Variants in TMEM178A observed in about 807,000 individuals in gnomAD.
The protein encoded by TMEM178A is transmembrane protein 178A.
TMEM178A carries 12 observed loss-of-function variants against 29.1 expected under a neutral mutation model. That is an observed-to-expected ratio of 0.41 (90% CI 0.26 to 0.67). The LOEUF (loss-of-function observed/expected upper bound fraction) is 0.67, where lower values mean the gene tolerates loss of function less well. Ranked by LOEUF, TMEM178A falls within the 30% of genes least tolerant of loss-of-function variation. The pLI is 0.29. For missense variants in TMEM178A, 366 were observed against 419.1 expected (o/e 0.87, Z 1.11); for synonymous variants, 210 against 187.2 (o/e 1.12, Z -0.99).
At chr2:39,688,541 G>A (rs1286854145) in intron 1 of TMEM178A, among the ~76,000 whole-genome samples, 1 of 152,188 alleles carries the variant, frequency 6.6e-6, no homozygotes, top group Non-Finnish European at 1.5e-5. Context: ...GCATCTAAAT[G>A]ATAACACGTC....
intron 3 of TMEM178A, among the ~76,000 whole-genome samples, chr2:39,710,283 A>G (rs1466750273): frequency 6.6e-6 from 1 of 152,242 alleles, no homozygotes; most frequent in Non-Finnish European, 1.5e-5. Context: ...ACAACCTAAC[A>G]TTGTTAACAT....
downstream of TMEM178A, among the ~76,000 whole-genome samples, chr2:39,720,097 T>C (rs867621408): frequency 2.0e-5 from 3 of 152,220 alleles, no homozygotes; most frequent in Non-Finnish European, 4.4e-5. Flanking sequence ...GTTAAAGTTA[T>C]TCAATTACTA....
intron 1 of TMEM178A, among the ~76,000 whole-genome samples, chr2:39,694,368 G>C (rs1671452424): frequency 6.6e-6 from 1 of 152,086 alleles, no homozygotes; most frequent in Admixed American, 6.6e-5. Context: ...AGAATATAGA[G>C]TGAACACAGA....
intron 2 of TMEM178A, among the ~76,000 whole-genome samples, chr2:39,705,521 C>T (rs746503790): frequency 4.6e-5 from 7 of 152,232 alleles, no homozygotes; most frequent in Admixed American, 1.3e-4. Flanking sequence ...ACATTAAACT[C>T]AGCGTCTTTA....
intron 1 of TMEM178A, among the ~76,000 whole-genome samples, chr2:39,667,037 G>T (rs1670197518): frequency 6.6e-6 from 1 of 151,256 alleles, no homozygotes; most frequent in Non-Finnish European, 1.5e-5. Flanking sequence ...GGCTGGTGGA[G>T]GCTGGTGGAG....
rs143535685 is a variant in TMEM178A, at chr2:39,695,759, A to G, written c.401-8322A>G. ...GGAACCCAATTGTATGTTCCTGGACAGAGCCAGTCAATGAAAACCCCAGTC... is the reference window on the plus strand; with the variant it reads ...GGAACCCAATTGTATGTTCCTGGACGGAGCCAGTCAATGAAAACCCCAGTC... On this transcript the variant is annotated intron_variant, in intron 1 of 3. Transcript: ENST00000281961. Among the ~76,000 whole-genome samples, 307 of 152,246 alleles carry G rather than the reference A, an allele frequency of 2.0e-3. 1 individual carries two copies. Among genetic ancestry groups the G allele is most frequent in the African/African-American group, 6.7e-3 (279 of 41,548 alleles).
At chr2:39,687,677 C>T (rs957981740) in intron 1 of TMEM178A, among the ~76,000 whole-genome samples, 1 of 152,178 alleles carries the variant, frequency 6.6e-6, no homozygotes, top group Non-Finnish European at 1.5e-5. Context: ...GAGTCTGTTT[C>T]TGCTTCAGTG....
At chr2:39,715,231 A>C (rs1672485719) in intron 3 of TMEM178A, among the ~76,000 whole-genome samples, 1 of 152,246 alleles carries the variant, frequency 6.6e-6, no homozygotes, top group Non-Finnish European at 1.5e-5. Flanking sequence ...AGCTATGTGC[A>C]AACAGCTAAA....
intron 1 of TMEM178A, among the ~76,000 whole-genome samples, chr2:39,691,459 G>A (rs1671314701): frequency 6.6e-6 from 1 of 152,188 alleles, no homozygotes; most frequent in Non-Finnish European, 1.5e-5. Flanking sequence ...TAGAGTGCCT[G>A]TTGTTAAAAC....
intron 1 of TMEM178A, among the ~76,000 whole-genome samples, chr2:39,700,761 T>C (rs1671745852): frequency 6.6e-6 from 1 of 151,926 alleles, no homozygotes; most frequent in South Asian, 2.1e-4. Flanking sequence ...ATTAATGTTT[T>C]CTTTTGTGTT....
At chr2:39,692,464 GA>G (rs1249164322) in intron 1 of TMEM178A, among the ~76,000 whole-genome samples, 9 of 152,272 alleles carry the variant, frequency 5.9e-5, no homozygotes. Flanking sequence ...AAATGGCTAA[GA>G]TGGTAGATTT....
At chr2:39,704,796 C>G (rs2148103742) in intron 2 of TMEM178A, among the ~76,000 whole-genome samples, 1 of 152,246 alleles carries the variant, frequency 6.6e-6, no homozygotes, top group East Asian at 1.9e-4. Context: ...TAGATAGCTC[C>G]CCGAAACGAA....
At chr2:39,697,073 G>A (rs1166816084) in intron 1 of TMEM178A, among the ~76,000 whole-genome samples, 1 of 152,066 alleles carries the variant, frequency 6.6e-6, no homozygotes, top group Non-Finnish European at 1.5e-5. Context: ...TGAAAAAATT[G>A]GAATCTAATG....
At chr2:39,693,862 C>G (rs989703760) in intron 1 of TMEM178A, among the ~76,000 whole-genome samples, 6 of 151,836 alleles carry the variant, frequency 4.0e-5, no homozygotes, top group African/African-American at 1.2e-4. Flanking sequence ...ATTTAAAAAT[C>G]AATTCAGCAA....
the TMEM178A span, among the ~76,000 whole-genome samples, chr2:39,725,559 A>G: frequency 2.0e-5 from 3 of 152,134 alleles, no homozygotes; most frequent in African/African-American, 4.8e-5. Context: ...AGCATTCTGG[A>G]CTTTTATGGC....
chr2:39,728,311 C>T, the TMEM178A span, among the ~76,000 whole-genome samples: 1 of 152,204 alleles, frequency 6.6e-6, no homozygotes, highest in East Asian at 1.9e-4. Context: ...TGAGACTTAG[C>T]TTTCTAGGTT....
chr2:39,673,277 C>T (rs1670479627), intron 1 of TMEM178A, among the ~76,000 whole-genome samples: 1 of 152,136 alleles, frequency 6.6e-6, no homozygotes. Context: ...TGCAACTCCG[C>T]CAGATAGCTG....
chr2:39,712,596 A>G (rs1340460009), intron 3 of TMEM178A, among the ~76,000 whole-genome samples: 1 of 152,166 alleles, frequency 6.6e-6, no homozygotes, highest in African/African-American at 2.4e-5. Flanking sequence ...TCAGGAAACC[A>G]GTAATTTATT....
the TMEM178A span, among the ~76,000 whole-genome samples, chr2:39,732,961 T>C: frequency 1.3e-5 from 2 of 152,218 alleles, no homozygotes; most frequent in Admixed American, 6.5e-5. Flanking sequence ...TATATGGTAT[T>C]GCCTTTGTTT....
Sources: gnomAD v4.1 joint callset for allele counts (sites outside exome capture counted in the v4.1 genomes callset) on GRCh38, gnomAD v4.1.1 for gene constraint, MANE v1.5 for transcripts, NCBI Gene and HGNC (gene_info 2026-07-23, HGNC 2026-07-21) for gene names.